The following PDE4B variants were observed in gnomAD, a reference collection of about 807,000 sequenced individuals.
The protein encoded by PDE4B is phosphodiesterase 4B.
A neutral mutation model predicts 82.2 loss-of-function variants in PDE4B; 20 were observed. The observed-to-expected ratio is 0.24, with a 90% confidence interval of 0.17 to 0.35. The LOEUF is 0.35. Among genes scored for constraint, PDE4B ranks in the 10% least tolerant of loss-of-function variants. PDE4B has a pLI of 1.00. For synonymous variants in PDE4B, 320 were observed against 318.9 expected (o/e 1.00, Z -0.04); for missense variants, 655 against 907.2 (o/e 0.72, Z 3.57).
chr1:66,032,752 TTC>T (rs1653856342), intron 3 of PDE4B, among the ~76,000 whole-genome samples: 2 of 150,928 alleles, frequency 1.3e-5, no homozygotes, highest in African/African-American at 4.9e-5. Flanking sequence ...GCCTCCCAGG[TTC>T]AAGCCATTCT....
intron 3 of PDE4B, among the ~76,000 whole-genome samples, chr1:65,960,490 T>TAA (rs1360472126): frequency 1.3e-5 from 2 of 152,162 alleles, no homozygotes; most frequent in African/African-American, 4.8e-5. Context: ...AACATCACTT[T>TAA]AGGAGTCAGA....
chr1:65,840,057 T>C (rs1197308163), intron 1 of PDE4B, among the ~76,000 whole-genome samples: 3 of 152,194 alleles, frequency 2.0e-5, no homozygotes, highest in Non-Finnish European at 4.4e-5. Flanking sequence ...TTAGTATGTG[T>C]AAATTGCACC....
intron 3 of PDE4B, among the ~76,000 whole-genome samples, chr1:66,203,516 T>C (rs974378086): frequency 6.6e-6 from 1 of 152,326 alleles, no homozygotes; most frequent in East Asian, 1.9e-4. Context: ...TTTCACATAG[T>C]CCCATATGTC....
intron 2 of PDE4B, among the ~76,000 whole-genome samples, chr1:65,917,768 A>G (rs1186509784): frequency 6.6e-6 from 1 of 151,166 alleles, no homozygotes; most frequent in Non-Finnish European, 1.5e-5. Context: ...ACACAATTTG[A>G]AAAAAAAATC....
chr1:65,984,977 A>G (rs1366992862), intron 3 of PDE4B, among the ~76,000 whole-genome samples: 1 of 152,178 alleles, frequency 6.6e-6, no homozygotes, highest in Non-Finnish European at 1.5e-5. Flanking sequence ...AAGTCTTGAC[A>G]AATAAAATTC....
At chr1:66,353,184 A>C (rs576227621) in intron 8 of PDE4B, among the ~76,000 whole-genome samples, 1 of 152,330 alleles carries the variant, frequency 6.6e-6, no homozygotes, top group East Asian at 1.9e-4. Context: ...AATTGCACAG[A>C]GGTTCAATAA....
chr1:66,107,531 A>C (rs63552960), intron 3 of PDE4B, among the ~76,000 whole-genome samples: 13 of 149,732 alleles, frequency 8.7e-5, no homozygotes, highest in South Asian at 2.1e-4. Context: ...AAAAAAAAAA[A>C]CCTGCCTTCC....
chr1:66,079,126 AC>A (rs1211953040), intron 3 of PDE4B, among the ~76,000 whole-genome samples: 1 of 145,812 alleles, frequency 6.9e-6, no homozygotes, highest in Non-Finnish European at 1.5e-5. Flanking sequence ...CTCTGAACAC[AC>A]TCTCTCACTG....
chr1:65,892,048 G>A (rs1379128040), intron 1 of PDE4B, among the ~76,000 whole-genome samples: 1 of 152,028 alleles, frequency 6.6e-6, no homozygotes, highest in Non-Finnish European at 1.5e-5. Context: ...CTTGATGTAA[G>A]AGAAAATCTT....
At chr1:66,210,779 TA>T (rs67425532) in intron 3 of PDE4B, among the ~76,000 whole-genome samples, 6,869 of 151,938 alleles carry the variant, frequency 0.045, 247 homozygotes, top group East Asian at 0.15. Context: ...CAAAGTCATA[TA>T]AAAAAAATCA....
At chr1:66,239,614 C>T (rs1652724508) in intron 3 of PDE4B, among the ~76,000 whole-genome samples, 1 of 152,136 alleles carries the variant, frequency 6.6e-6, no homozygotes, top group African/African-American at 2.4e-5. Context: ...AGAAATAATG[C>T]TCCTATATTT....
intron 3 of PDE4B, among the ~76,000 whole-genome samples, chr1:66,165,943 C>A (rs1646720551): frequency 2.0e-5 from 3 of 147,108 alleles, no homozygotes; most frequent in Non-Finnish European, 1.5e-5. Flanking sequence ...ACAAATCAAA[C>A]CTTGAGGGGA....
At chr1:66,200,156 A>C (rs1648754245) in intron 3 of PDE4B, among the ~76,000 whole-genome samples, 1 of 152,170 alleles carries the variant, frequency 6.6e-6, no homozygotes, top group Admixed American at 6.5e-5. Flanking sequence ...AGATAGTTGT[A>C]GATATATGGC....
chr1:65,827,913 T>C (rs1052510021), intron 1 of PDE4B, among the ~76,000 whole-genome samples: 1 of 152,082 alleles, frequency 6.6e-6, no homozygotes, highest in Admixed American at 6.5e-5. Flanking sequence ...AGGAAAAAAG[T>C]CATATTATCT....
intron 3 of PDE4B, among the ~76,000 whole-genome samples, chr1:66,086,780 C>A (rs1657027920): frequency 6.6e-6 from 1 of 152,130 alleles, no homozygotes; most frequent in African/African-American, 2.4e-5. Flanking sequence ...ATATTAAGTT[C>A]TAGGACAATT....
At chr1:66,044,702 C>T (rs1442084085) in intron 3 of PDE4B, among the ~76,000 whole-genome samples, 3 of 151,472 alleles carry the variant, frequency 2.0e-5, no homozygotes, top group African/African-American at 7.3e-5. Context: ...ATAATATTTT[C>T]CAAATAATTA....
At chr1:65,965,253 C>CG (rs35917143) in intron 3 of PDE4B, among the ~76,000 whole-genome samples, 134 of 152,032 alleles carry the variant, frequency 8.8e-4, no homozygotes, top group African/African-American at 3.1e-3. Context: ...TCCTCCCCCC[C>CG]CCATGGAAAA....
intron 1 of PDE4B, among the ~76,000 whole-genome samples, chr1:65,884,869 T>A (rs1646753765): frequency 6.6e-6 from 1 of 152,128 alleles, no homozygotes; most frequent in African/African-American, 2.4e-5. Context: ...TGGGATCTAA[T>A]TAAACTAAGG....
At chr1:65,806,639 A>C (rs936865326) in intron 1 of PDE4B, among the ~76,000 whole-genome samples, 5 of 152,194 alleles carry the variant, frequency 3.3e-5, no homozygotes, top group African/African-American at 1.2e-4. Flanking sequence ...GGTCCTGAAA[A>C]GATGCTTAGC....
Sources: gnomAD v4.1 joint callset for allele counts (sites outside exome capture counted in the v4.1 genomes callset) on GRCh38, gnomAD v4.1.1 for gene constraint, MANE v1.5 for transcripts, NCBI Gene and HGNC (gene_info 2026-07-23, HGNC 2026-07-21) for gene names.